Variants in DGKG observed in about 807,000 individuals in gnomAD.
The protein encoded by DGKG is diacylglycerol kinase gamma, also known as DAG kinase gamma.
In DGKG, 78 loss-of-function variants were observed where a neutral mutation model predicts 105.3. The observed-to-expected ratio is 0.74, with a 90% CI of 0.62 to 0.89. The LOEUF is 0.89. Ranked by LOEUF, DGKG falls within the 40% of genes least tolerant of loss-of-function variation. DGKG has a pLI of 0.00. For synonymous variants in DGKG, 346 were observed against 367.1 expected, an observed-to-expected ratio of 0.94 and a Z score of 0.66; for missense variants, 958 against 1,020.1, an observed-to-expected ratio of 0.94 and a Z score of 0.83.
chr3:186,220,846 T>C (rs1719535588), intron 20 of DGKG, among the ~76,000 whole-genome samples: 1 of 152,146 alleles, frequency 6.6e-6, no homozygotes, highest in South Asian at 2.1e-4. Flanking sequence ...ACCCTTCTCT[T>C]CCATATAAGA....
chr3:186,167,560 G>A (rs999708516), intron 22 of DGKG, among the ~76,000 whole-genome samples: 3 of 152,162 alleles, frequency 2.0e-5, no homozygotes, highest in East Asian at 1.9e-4. Context: ...AAAAAGAACA[G>A]AATGCAAGTC....
chr3:186,304,863 C>A (rs1435928924), intron 3 of DGKG, among the ~76,000 whole-genome samples: 1 of 152,244 alleles, frequency 6.6e-6, no homozygotes, highest in South Asian at 2.1e-4. Context: ...CCATGTAATT[C>A]CAGGGTCATG....
At chr3:186,295,228 C>A (rs866779495) in intron 5 of DGKG, among the ~76,000 whole-genome samples, 2 of 152,092 alleles carry the variant, frequency 1.3e-5, no homozygotes, top group African/African-American at 4.8e-5. Flanking sequence ...ATAGGCTGGG[C>A]GGGGTGGCTC....
intron 21 of DGKG, among the ~76,000 whole-genome samples, chr3:186,201,991 C>T (rs190819944): frequency 2.9e-4 from 44 of 152,234 alleles, no homozygotes; most frequent in Admixed American, 2.3e-3. Flanking sequence ...CTGCAGGTCC[C>T]GTGGCATTGT....
Position 186,232,917 on chromosome 3 carries a change from T to C in DGKG, c.1826+9587A>G, listed in dbSNP as rs531025157. On this transcript the variant is annotated intron_variant, in intron 20 of 24. Transcript: ENST00000265022. ...TTATCTGATGTAGGATCTGTCTTTG[T>C]AATAAGAATATTAATAACAATCATA... Among the ~76,000 whole-genome samples the C allele has an allele frequency of 1.6e-3, 241 of 152,314 alleles. 1 individual carries two copies. The highest frequency in any genetic ancestry group is 5.5e-3 in the African/African-American group (229 of 41,574).
At chr3:186,175,416 T>A (rs1457374427) in intron 22 of DGKG, among the ~76,000 whole-genome samples, 1 of 152,220 alleles carries the variant, frequency 6.6e-6, no homozygotes, top group African/African-American at 2.4e-5. Flanking sequence ...TGTGGCTTTA[T>A]CTTCTGGGAT....
intron 22 of DGKG, among the ~76,000 whole-genome samples, chr3:186,171,110 TC>T (rs1200254159): frequency 1.3e-5 from 2 of 152,232 alleles, no homozygotes; most frequent in African/African-American, 4.8e-5. Context: ...GCTAGTTCCT[TC>T]TTCTGTGCTT....
rs988495814 is a variant in DGKG at position 186,226,866 on chromosome 3, T to C, written c.1827-14981A>G. Among the ~76,000 whole-genome samples the C allele has an allele frequency of 3.4e-4, 52 of 152,172 alleles. No individual in the cohort carries two copies. Among genetic ancestry groups the C allele is most frequent in the African/African-American group, 1.2e-3 (51 of 41,442 alleles). On this transcript the variant is annotated intron_variant, in intron 20 of 24. Coordinates refer to ENST00000265022, the MANE Select transcript of DGKG (RefSeq NM_001346.3). The surrounding 1 kb of genome is among the most constrained non-coding windows in gnomAD (Gnocchi z 4.2). ...TCAGCAATTACGTAATTCCCTGCTGTGTTAGTAATTTGAGGGTATAAGTAC... is the reference window on the plus strand; with the variant it reads ...TCAGCAATTACGTAATTCCCTGCTGCGTTAGTAATTTGAGGGTATAAGTAC...
At position 186,361,179 on chromosome 3, in the gene DGKG, A is replaced by T. The variant is rs954293767; in HGVS notation, c.-249+767T>A. 2.6e-5 allele frequency among the ~76,000 whole-genome samples: 4 copies of T among 152,200 alleles called. No individual in the cohort carries two copies. Among genetic ancestry groups the T allele is most frequent in the African/African-American group, 9.7e-5 (4 of 41,450 alleles). On this transcript the variant is annotated intron_variant, in intron 1 of 24. Coordinates refer to ENST00000265022, the MANE Select transcript of DGKG (RefSeq NM_001346.3). The surrounding 1 kb of genome is among the most constrained non-coding windows in gnomAD (Gnocchi z 6.8). ...CAGTGATGGTGGGGATGGGGGCAGC[A>T]CGTCAAATCACCTGTAGGGCTTTTT... is the stretch of plus-strand genomic sequence containing the variant.
intron 22 of DGKG, among the ~76,000 whole-genome samples, chr3:186,171,128 T>A (rs1002690434): frequency 9.9e-5 from 15 of 152,242 alleles, no homozygotes; most frequent in African/African-American, 3.6e-4. Flanking sequence ...GCTTAGATAG[T>A]GGATCTCACC....
At chr3:186,283,782 C>T (rs549252265) in intron 7 of DGKG, among the ~76,000 whole-genome samples, 6 of 152,298 alleles carry the variant, frequency 3.9e-5, no homozygotes, top group South Asian at 4.1e-4. Context: ...TGACCCAACC[C>T]GCAGCATTGC....
intron 1 of DGKG, among the ~76,000 whole-genome samples, chr3:186,332,817 G>T (rs1725662510): frequency 6.6e-6 from 1 of 152,084 alleles, no homozygotes. Flanking sequence ...AGGTAATTGG[G>T]TCCTGAGGAC....
chr3:186,149,239 T>A lies in DGKG; in HGVS notation c.*851A>T, dbSNP rs1056898749. ...AAAAAGAAAGAAGCTGGGGGTGGTT[T>A]TTTTTTTCCTTCCCTTTTTACACAA... On this transcript the variant is annotated 3_prime_UTR_variant, in exon 25 of 25. Coordinates refer to ENST00000265022, the MANE Select transcript of DGKG (RefSeq NM_001346.3). 1.0e-6 allele frequency: 1 copy of A among 984,960 alleles called. No homozygotes were observed. The highest frequency in any genetic ancestry group is 1.8e-5 in the African/African-American group (1 of 57,140). 61.0% of individuals were successfully genotyped at this position (984,960 alleles called of 1,614,324 possible). A position where few individuals can be genotyped will look rare whatever the true frequency, so the allele number is the denominator to read the frequency against.
At chr3:186,276,912 T>C (rs1722615047) in intron 9 of DGKG, among the ~76,000 whole-genome samples, 2 of 152,254 alleles carry the variant, frequency 1.3e-5, no homozygotes, top group Non-Finnish European at 2.9e-5. Context: ...GGCTGGTCAC[T>C]GCAACCAGAC....
At chr3:186,230,305 C>G (rs1389803850) in intron 20 of DGKG, among the ~76,000 whole-genome samples, 2 of 152,118 alleles carry the variant, frequency 1.3e-5, no homozygotes, top group African/African-American at 4.8e-5. Context: ...AACAACAAAA[C>G]ATTGGAGATG....
chr3:186,316,625 C>T (rs924645544), intron 2 of DGKG, among the ~76,000 whole-genome samples: 1 of 152,056 alleles, frequency 6.6e-6, no homozygotes, highest in Non-Finnish European at 1.5e-5. Context: ...TATGTATGTA[C>T]GTTTACATAC....
In DGKG at chr3:186,147,960, G is replaced by A; in HGVS notation, c.*2130C>T. The A allele has an allele frequency of 1.0e-6, 1 of 985,424 alleles. No individual in the cohort carries two copies. Among genetic ancestry groups the A allele is most frequent in the Non-Finnish European group, 1.2e-6 (1 of 829,944 alleles). 61.0% of individuals were successfully genotyped at this position (985,424 alleles called of 1,614,324 possible). ...ACTTAGCATTCTGCACTGTTAGGTT[G>A]AGCAGAATGGTCCAAGATCTTGCTC... is the stretch of plus-strand genomic sequence containing the variant. On this transcript the variant is annotated 3_prime_UTR_variant, in exon 25 of 25. Coordinates refer to ENST00000265022, the MANE Select transcript of DGKG (RefSeq NM_001346.3).
rs954038876 is a variant in DGKG, at chr3:186,248,083, G to A, written c.1761+3676C>T. ...AAACTATGATTACTGAATAGTCTTG[G>A]CTCTTGGGTTTAGGGCCTGGCTATT... On this transcript the variant is annotated intron_variant, in intron 19 of 24. Transcript: ENST00000265022. Among the ~76,000 whole-genome samples, 10 of 151,902 alleles carry A rather than the reference G, an allele frequency of 6.6e-5. 1 individual carries two copies. The highest frequency in any genetic ancestry group is 1.9e-4 in the East Asian group (1 of 5,162).
At chr3:186,247,737 G>A (rs1319971810) in intron 19 of DGKG, among the ~76,000 whole-genome samples, 1 of 152,098 alleles carries the variant, frequency 6.6e-6, no homozygotes, top group Admixed American at 6.5e-5. Flanking sequence ...GAACAGCCCT[G>A]GTTTCTCATT....
Sources: allele counts gnomAD v4.1 joint callset (sites outside exome capture counted in the v4.1 genomes callset), GRCh38; gene constraint gnomAD v4.1.1; non-coding constraint Gnocchi (gnomAD v3.1); transcripts MANE v1.5; gene names NCBI Gene and HGNC (gene_info 2026-07-23, HGNC 2026-07-21).